Variants in COL16A1 observed in about 807,000 individuals in gnomAD.
COL16A1 encodes collagen alpha-1(XVI) chain.
In COL16A1, 189 loss-of-function variants were observed where a neutral mutation model predicts 266.3. The observed-to-expected ratio is 0.71, with a 90% CI of 0.63 to 0.80. The LOEUF is 0.80. Ranked by LOEUF, COL16A1 falls within the 30% of genes least tolerant of loss-of-function variation. The pLI, the probability that COL16A1 is intolerant of heterozygous loss-of-function variation, is 0.00. For missense variants in COL16A1, 1,928 were observed against 2,122.4 expected (o/e 0.91, Z 1.80); for synonymous variants, 740 against 782.3 (o/e 0.95, Z 0.90).
chr1:31,674,923 G>A lies in COL16A1; in HGVS notation c.2859+84C>T, dbSNP rs918697338. ...CAAACTGCTGCTCTCTCTGCGAGGT[G>A]CCACACAGCTGAGCACTTACTAAGA... On this transcript the variant is annotated intron_variant, in intron 44 of 70. Coordinates refer to ENST00000373672, the MANE Select transcript of COL16A1 (RefSeq NM_001856.4). The A allele has an allele frequency of 5.0e-5, 79 of 1,567,448 alleles. No individual in the cohort carries two copies. In the Middle Eastern group the frequency reaches 8.3e-4, roughly 17 times the overall value.
intron 2 of COL16A1, 52 bp from the exon 3 acceptor site, chr1:31,700,167 G>A (rs1356022869): frequency 6.3e-7 from 1 of 1,578,816 alleles, no homozygotes; most frequent in Non-Finnish European, 8.7e-7. Context: ...CAAGGTTGCT[G>A]CACGGCTGGA....
At chr1:31,689,272 G>GTCATTCCCCCCGCCAC in intron 23 of COL16A1, 187 bp from the exon 24 acceptor site, 1 of 953,636 alleles carries the variant, frequency 1.0e-6, no homozygotes, top group Non-Finnish European at 1.5e-6. Context: ...GGAGCGTGGC[G>GTCATTCCCCCCGCCAC]GGGGGAATGA....
Position 31,658,477 on chromosome 1 carries a change from T to C in COL16A1, c.4020+11A>G, listed in dbSNP as rs1249996067. 6.3e-7 allele frequency: 1 copy of C among 1,594,038 alleles called. No homozygotes were observed. Among genetic ancestry groups the C allele is most frequent in the Non-Finnish European group, 8.5e-7 (1 of 1,169,594 alleles). The stretch of plus-strand genomic sequence containing the variant: ...TCCCCCTGGGCTATGCTGTAGAATG[T>C]GGGATCTTACTGGGGGGCCAGGGTG... On this transcript the variant is annotated intron_variant, in intron 64 of 70. Transcript: ENST00000373672.
chr1:31,685,526 C>A lies in COL16A1; in HGVS notation c.2016+113G>T. On this transcript the variant is annotated intron_variant, in intron 29 of 70. Coordinates refer to ENST00000373672, the MANE Select transcript of COL16A1 (RefSeq NM_001856.4). The surrounding 1 kb of genome is among the most constrained non-coding windows in gnomAD (Gnocchi z 4.0). ...AGAGGCTCTGACCCCGCCACACCCT[C>A]CCCACTACCCCCAACTGCCCAGGGA... The A allele has an allele frequency of 2.6e-5, 31 of 1,211,444 alleles. No individual in the cohort carries two copies. The highest frequency in any genetic ancestry group is 2.8e-5 in the Non-Finnish European group (24 of 863,220). The allele number at this position is 1,211,444 out of a possible 1,614,324, so 75.0% of individuals were successfully genotyped here. A position where few individuals can be genotyped will look rare whatever the true frequency, so the allele number is the denominator to read the frequency against.
chr1:31,652,939 A>G lies in COL16A1; in HGVS notation c.4613-86T>C. Reference sequence around the variant, plus strand: ...CCATAATGGCATCAAATAATACCTTACATTTGATGACTGTTTCTCAAGTTA... The same window carrying G: ...CCATAATGGCATCAAATAATACCTTGCATTTGATGACTGTTTCTCAAGTTA... On this transcript the variant is annotated intron_variant, in intron 70 of 70. Coordinates refer to ENST00000373672, the MANE Select transcript of COL16A1 (RefSeq NM_001856.4). This position sits in a 1 kb window ranked among gnomAD's most constrained non-coding sequence, Gnocchi z 4.8. 8.1e-7 allele frequency: 1 copy of G among 1,239,020 alleles called. No homozygotes were observed. Among genetic ancestry groups the G allele is most frequent in the Non-Finnish European group, 1.1e-6 (1 of 940,328 alleles). 76.8% of individuals were successfully genotyped at this position (1,239,020 alleles called of 1,614,324 possible).
Position 31,653,966 on chromosome 1 carries a change from C to T in COL16A1, c.4435G>A (p.Gly1479Arg), listed in dbSNP as rs754150943. 3.1e-6 allele frequency: 5 copies of T among 1,614,100 alleles called. No homozygotes were observed. Among genetic ancestry groups the T allele is most frequent in the Non-Finnish European group, 4.2e-6 (5 of 1,180,042 alleles). The change falls in exon 69 of 71, where the codon GGG (glycine) becomes AGG (arginine). Residue 1479 changes from glycine to arginine, a missense_variant. Physicochemically the swap from Gly to Arg is moderately radical, Grantham distance 125 (BLOSUM62 -2). Coordinates refer to ENST00000373672, the MANE Select transcript of COL16A1 (RefSeq NM_001856.4). ...AAAPGRPGPP[G>R]KDGAPGRPGA... ...GGCCTGCCCGGAGCACCATCCTTCC[C>T]TGGAGGCCCTGGTCGTCCCGGAGCT... is the stretch of plus-strand genomic sequence containing the variant.
Position 31,698,764 on chromosome 1 carries a change from T to C in COL16A1, c.267-158A>G, listed in dbSNP as rs1300124441. ...ACTCTCCATACCTTTACTGAGTGCC[T>C]TCCGCGAGCTAGGTGCGGGTCTGGC... On this transcript the variant is annotated intron_variant, in intron 4 of 70. Transcript: ENST00000373672. This position sits in a 1 kb window ranked among gnomAD's most constrained non-coding sequence, Gnocchi z 4.1. Among the ~76,000 whole-genome samples the C allele has an allele frequency of 6.6e-6, 1 of 152,190 alleles. No individual in the cohort carries two copies. Among genetic ancestry groups the C allele is most frequent in the Non-Finnish European group, 1.5e-5 (1 of 68,030 alleles).
chr1:31,668,974 G>A lies in COL16A1; in HGVS notation c.3196-119C>T. The A allele has an allele frequency of 4.8e-6, 4 of 841,240 alleles. No homozygotes were observed. Among genetic ancestry groups the A allele is most frequent in the Non-Finnish European group, 7.4e-6 (4 of 540,204 alleles). The allele number at this position is 841,240 out of a possible 1,614,324, so 52.1% of individuals were successfully genotyped here. A position where few individuals can be genotyped will look rare whatever the true frequency, so the allele number is the denominator to read the frequency against. On this transcript the variant is annotated intron_variant, in intron 49 of 70. Transcript: ENST00000373672. The surrounding 1 kb of genome is among the most constrained non-coding windows in gnomAD (Gnocchi z 5.8). ...TCCAGGCAAATATGGAGGCCATAGT[G>A]GCTCTCGTAGTGTCCCTAGAAGGTG... is the stretch of plus-strand genomic sequence containing the variant.
rs1644085554 is a variant in COL16A1, at chr1:31,688,197, A to C, written c.1803+270T>G. Reference sequence around the variant, plus strand: ...ATCATAAGCAATAAAGAAGTGTTACATATTATAAATATAATAAGGTAATCT... The same window carrying C: ...ATCATAAGCAATAAAGAAGTGTTACCTATTATAAATATAATAAGGTAATCT... On this transcript the variant is annotated intron_variant, in intron 26 of 70. Transcript: ENST00000373672. The surrounding 1 kb of genome is among the most constrained non-coding windows in gnomAD (Gnocchi z 4.9). Among the ~76,000 whole-genome samples the C allele has an allele frequency of 6.6e-6, 1 of 152,232 alleles. No homozygotes were observed. The highest frequency in any genetic ancestry group is 2.4e-5 in the African/African-American group (1 of 41,452).
rs751503376 is a variant in COL16A1, at chr1:31,688,867, G to A, written c.1761C>T (p.Gly587=). 1 of 1,613,642 alleles carries A rather than the reference G, an allele frequency of 6.2e-7. No individual in the cohort carries two copies. The highest frequency in any genetic ancestry group is 1.1e-5 in the South Asian group (1 of 91,016). The change falls in exon 25 of 71, where the codon GGC becomes GGT. Residue 587 remains glycine (G), a synonymous_variant. Coordinates refer to ENST00000373672, the MANE Select transcript of COL16A1 (RefSeq NM_001856.4). This position sits in a 1 kb window ranked among gnomAD's most constrained non-coding sequence, Gnocchi z 4.9. ...GGAGAAAGTCGTCACTCACCGGAAG[G>A]CCAGGCAGACCAAAGCCAGGGGAAC... ...DVGSPGFGLP[G]LPGRAGVPGL...
intron 64 of COL16A1, among the ~76,000 whole-genome samples, chr1:31,658,200 T>C (rs56074668): frequency 0.42 from 63,586 of 152,124 alleles, 15,897 homozygotes; most frequent in South Asian, 0.56. Flanking sequence ...CAAGCTCCCC[T>C]GGGGAAGGGG....
intron 24 of COL16A1, 34 bp from the exon 25 acceptor site, chr1:31,689,005 C>T: frequency 6.2e-7 from 1 of 1,614,040 alleles, no homozygotes; most frequent in Non-Finnish European, 8.5e-7. Context: ...AGAAATGCTT[C>T]CAGGTAGGCA....
At position 31,655,430 on chromosome 1, in the gene COL16A1, C is replaced by T. The variant is rs749754753; in HGVS notation, c.4174G>A (p.Gly1392Ser). Reference sequence around the variant, plus strand: ...ACAGGCCCCATGGAACCACTCTTGCCAGGTCCACCAGGCATGCCGGCTCTC... The same window carrying T: ...ACAGGCCCCATGGAACCACTCTTGCTAGGTCCACCAGGCATGCCGGCTCTC... The part of the protein sequence containing the change: ...KGRAGMPGGP[G>S]KSGSMGPVGP... The change falls in exon 67 of 71, where the codon GGC becomes AGC. Residue 1392 changes from glycine to serine, a missense_variant. By Grantham distance (56) the Gly-to-Ser change is moderately conservative. Coordinates refer to ENST00000373672, the MANE Select transcript of COL16A1 (RefSeq NM_001856.4). The T allele has an allele frequency of 1.2e-6, 2 of 1,614,174 alleles. No homozygotes were observed. The highest frequency in any genetic ancestry group is 2.2e-5 in the East Asian group (1 of 44,876).
chr1:31,699,982 AC>A (rs1557701790), intron 3 of COL16A1, 52 bp from the exon 4 acceptor site: 3 of 1,605,950 alleles, frequency 1.9e-6, no homozygotes, highest in Admixed American at 3.3e-5. Context: ...GGAGAGGGGT[AC>A]AGATCACTCC....
chr1:31,688,662 G>A lies in COL16A1; in HGVS notation c.1768-160C>T. The A allele has an allele frequency of 8.6e-7, 1 of 1,169,378 alleles. No homozygotes were observed. The highest frequency in any genetic ancestry group is 1.3e-6 in the Non-Finnish European group (1 of 796,782). 72.4% of individuals were successfully genotyped at this position (1,169,378 alleles called of 1,614,324 possible). A position where few individuals can be genotyped will look rare whatever the true frequency, so the allele number is the denominator to read the frequency against. On this transcript the variant is annotated intron_variant, in intron 25 of 70. Coordinates refer to ENST00000373672, the MANE Select transcript of COL16A1 (RefSeq NM_001856.4). The surrounding 1 kb of genome is among the most constrained non-coding windows in gnomAD (Gnocchi z 4.9). ...CAGTTAGACAACTGAAGCTAGAGGT[G>A]CTAAGAGGAAGTTCCAGGGCAAGGA...
At position 31,670,793 on chromosome 1, in the gene COL16A1, C is replaced by A; in HGVS notation, c.3151-147G>T. 1 of 612,474 alleles carries A rather than the reference C, an allele frequency of 1.6e-6. No individual in the cohort carries two copies. Among genetic ancestry groups the A allele is most frequent in the South Asian group, 5.2e-5 (1 of 19,120 alleles). The allele number at this position is 612,474 out of a possible 1,614,324, so 37.9% of individuals were successfully genotyped here. On this transcript the variant is annotated intron_variant, in intron 48 of 70. Transcript: ENST00000373672. This position sits in a 1 kb window ranked among gnomAD's most constrained non-coding sequence, Gnocchi z 4.5. ...GCTGGAAAAGAGACTCCTTGAAAGTCTTGGCTCAAAAGACAACTGTTCCTC... is the reference window on the plus strand; with the variant it reads ...GCTGGAAAAGAGACTCCTTGAAAGTATTGGCTCAAAAGACAACTGTTCCTC...
In COL16A1 at chr1:31,683,180, A is replaced by T; in HGVS notation, c.2469+14T>A. The T allele has an allele frequency of 6.2e-7, 1 of 1,614,114 alleles. No homozygotes were observed. Among genetic ancestry groups the T allele is most frequent in the Non-Finnish European group, 8.5e-7 (1 of 1,180,006 alleles). On this transcript the variant is annotated intron_variant, in intron 36 of 70. Transcript: ENST00000373672. The stretch of plus-strand genomic sequence containing the variant: ...AATACTGCAGGCCCAATACCCATGG[A>T]GGCAGAGGCTCACCTGGGCACCCTT...
rs182398334 is a variant in COL16A1, at chr1:31,686,940, A to G, written c.1804-661T>C. On this transcript the variant is annotated intron_variant, in intron 26 of 70. Coordinates refer to ENST00000373672, the MANE Select transcript of COL16A1 (RefSeq NM_001856.4). ...CACGGCTAAAGCAGAGTAAACCCGA[A>G]GAGAAGGGGAAGAAGCGGATGAATT... Among the ~76,000 whole-genome samples, 280 of 152,350 alleles carry G rather than the reference A, an allele frequency of 1.8e-3. 1 individual carries two copies. The highest frequency in any genetic ancestry group is 6.0e-3 in the African/African-American group (248 of 41,590).
intron 26 of COL16A1, among the ~76,000 whole-genome samples, chr1:31,687,766 T>C (rs28680245): frequency 1.3e-5 from 2 of 152,138 alleles, no homozygotes; most frequent in East Asian, 1.9e-4. Flanking sequence ...AGGCCCCACA[T>C]GTGATGTGAC....
Sources: gnomAD v4.1 joint callset for allele counts (sites outside exome capture counted in the v4.1 genomes callset) on GRCh38, gnomAD v4.1.1 for gene constraint, Gnocchi (gnomAD v3.1) non-coding constraint, MANE v1.5 for transcripts, NCBI Gene and HGNC (gene_info 2026-07-23, HGNC 2026-07-21) for gene names.